FOXN3: variants seen among roughly 807,000 people sequenced by gnomAD.
FOXN3 encodes the protein forkhead box protein N3.
In FOXN3, 7 loss-of-function variants were observed where a neutral mutation model predicts 38.4. The observed-to-expected ratio is 0.18, with a 90% CI of 0.10 to 0.34. The LOEUF is 0.34. FOXN3 is among the 10% of genes least tolerant of loss of function. FOXN3 has a pLI of 1.00. For missense variants in FOXN3, 456 were observed against 613.4 expected (o/e 0.74, Z 2.71); for synonymous variants, 230 against 242.2 (o/e 0.95, Z 0.47).
intron 1 of FOXN3, among the ~76,000 whole-genome samples, chr14:89,455,903 A>G (rs892242314): frequency 6.6e-6 from 1 of 152,210 alleles, no homozygotes; most frequent in Non-Finnish European, 1.5e-5. Flanking sequence ...CCAGATTAAA[A>G]AGTAACCACA....
intron 1 of FOXN3, among the ~76,000 whole-genome samples, chr14:89,583,833 T>G (rs1179869130): frequency 1.3e-5 from 2 of 150,970 alleles, no homozygotes; most frequent in Admixed American, 6.6e-5. Flanking sequence ...GTGCTGGGAT[T>G]ATAGGTGTCA....
chr14:89,270,898 T>C lies in FOXN3; in HGVS notation c.745+10052A>G, dbSNP rs572434549. 3.9e-5 allele frequency among the ~76,000 whole-genome samples: 6 copies of C among 152,336 alleles called. No homozygotes were observed. The South Asian group carries it at 1.2e-3, about 32-fold the overall frequency. On this transcript the variant is annotated intron_variant, in intron 4 of 5. Transcript: ENST00000557258. ...TGAGGTCATTTACCCTATGCCTGTG[T>C]GTCACGACTCACAAAGGCCAACAGG...
intron 3 of FOXN3, 90 bp from the exon 4 acceptor site, chr14:89,281,104 C>A: frequency 8.6e-7 from 1 of 1,163,632 alleles, no homozygotes; most frequent in South Asian, 1.3e-5. Flanking sequence ...AAACATTTCC[C>A]CAAGTATGCA....
chr14:89,287,725 G>C (rs1029842480), intron 3 of FOXN3, among the ~76,000 whole-genome samples: 20 of 137,992 alleles, frequency 1.4e-4, no homozygotes, highest in African/African-American at 5.5e-4. Flanking sequence ...CAACTTCACA[G>C]ATGTCACTTA....
intron 3 of FOXN3, among the ~76,000 whole-genome samples, chr14:89,303,800 C>T (rs1887293546): frequency 6.6e-6 from 1 of 152,228 alleles, no homozygotes; most frequent in Non-Finnish European, 1.5e-5. Flanking sequence ...CTTCTCAGAA[C>T]AGACATTGAG....
intron 1 of FOXN3, among the ~76,000 whole-genome samples, chr14:89,519,657 A>G (rs1382452017): frequency 1.3e-5 from 2 of 152,192 alleles, no homozygotes; most frequent in Admixed American, 6.5e-5. Context: ...AGTGCCCACC[A>G]TTCCTCAAGG....
intron 4 of FOXN3, among the ~76,000 whole-genome samples, chr14:89,205,747 T>C (rs903635187): frequency 6.6e-6 from 1 of 152,106 alleles, no homozygotes; most frequent in Non-Finnish European, 1.5e-5. Flanking sequence ...AAGAGCGCCC[T>C]GTAACACACG....
intron 2 of FOXN3, among the ~76,000 whole-genome samples, chr14:89,398,254 C>T (rs1891151159): frequency 6.6e-6 from 1 of 152,160 alleles, no homozygotes; most frequent in Admixed American, 6.5e-5. Flanking sequence ...TTATATTTTC[C>T]CCTATTTTGA....
chr14:89,594,015 T>C (rs1220401636), intron 1 of FOXN3, among the ~76,000 whole-genome samples: 1 of 152,252 alleles, frequency 6.6e-6, no homozygotes, highest in East Asian at 1.9e-4. Context: ...ATCCAGGTTG[T>C]GTAGCTATAG....
At chr14:89,518,644 A>T (rs973842888) in intron 1 of FOXN3, among the ~76,000 whole-genome samples, 11 of 152,236 alleles carry the variant, frequency 7.2e-5, no homozygotes, top group African/African-American at 2.4e-4. Context: ...ATGTTTAAAC[A>T]TAGGGAGAGA....
At chr14:89,564,609 T>C (rs1256967225) in intron 1 of FOXN3, among the ~76,000 whole-genome samples, 9 of 152,148 alleles carry the variant, frequency 5.9e-5, no homozygotes, top group African/African-American at 1.7e-4. Flanking sequence ...AAAAACCCTC[T>C]ATGGAAAAAC....
intron 1 of FOXN3, among the ~76,000 whole-genome samples, chr14:89,475,087 T>G (rs1893184889): frequency 6.6e-6 from 1 of 151,942 alleles, no homozygotes; most frequent in African/African-American, 2.4e-5. Flanking sequence ...GTGCTGGGAT[T>G]ACAGGCGTGA....
At chr14:89,215,195 C>T (rs374179297) in intron 4 of FOXN3, among the ~76,000 whole-genome samples, 2 of 28,582 alleles carry the variant, frequency 7.0e-5, no homozygotes, top group Non-Finnish European at 1.3e-4. Flanking sequence ...GGGGAAGGAA[C>T]CCAATTTTTT....
At chr14:89,427,796 T>C (rs1892072536) in intron 1 of FOXN3, among the ~76,000 whole-genome samples, 2 of 151,918 alleles carry the variant, frequency 1.3e-5, no homozygotes, top group Admixed American at 6.6e-5. Flanking sequence ...TCTCTTCTGC[T>C]CATAGCACAT....
chr14:89,325,317 C>T (rs1596185344), intron 3 of FOXN3, among the ~76,000 whole-genome samples: 2 of 66,332 alleles, frequency 3.0e-5, no homozygotes, highest in Non-Finnish European at 6.4e-5. Context: ...CCACCACGAC[C>T]ACCACCACCA....
intron 2 of FOXN3, among the ~76,000 whole-genome samples, chr14:89,363,576 T>C (rs1465101863): frequency 1.3e-5 from 2 of 152,232 alleles, no homozygotes; most frequent in Admixed American, 6.5e-5. Flanking sequence ...AAAAATACCA[T>C]CTTCTCCAAA....
chr14:89,184,558 T>G (rs2139800619), intron 4 of FOXN3, among the ~76,000 whole-genome samples: 1 of 152,360 alleles, frequency 6.6e-6, no homozygotes, highest in East Asian at 1.9e-4. Context: ...CACGGAACCC[T>G]CAGGGATGAG....
At chr14:89,385,908 A>T (rs1441052958) in intron 2 of FOXN3, among the ~76,000 whole-genome samples, 1 of 152,248 alleles carries the variant, frequency 6.6e-6, no homozygotes, top group Non-Finnish European at 1.5e-5. Context: ...AGAACTACTT[A>T]CGTAACTGAG....
chr14:89,583,149 A>G (rs551371460), intron 1 of FOXN3, among the ~76,000 whole-genome samples: 3 of 152,334 alleles, frequency 2.0e-5, no homozygotes, highest in African/African-American at 4.8e-5. Context: ...GACTGTAATG[A>G]GTAGATCATA....
Sources: allele counts gnomAD v4.1 joint callset (sites outside exome capture counted in the v4.1 genomes callset), GRCh38; gene constraint gnomAD v4.1.1; transcripts MANE v1.5; gene names NCBI Gene and HGNC (gene_info 2026-07-23, HGNC 2026-07-21).